SPTLC1: variants seen among roughly 807,000 people sequenced by gnomAD.
SPTLC1 encodes the protein serine palmitoyltransferase 1.
In SPTLC1, 55 loss-of-function variants were observed where a neutral mutation model predicts 68.9. The observed-to-expected ratio is 0.80, with a 90% CI of 0.64 to 1.00. The LOEUF is 1.00. SPTLC1 is among the 50% of genes least tolerant of loss of function. The pLI, the probability that SPTLC1 is intolerant of heterozygous loss-of-function variation, is 0.00. For missense variants in SPTLC1, 449 were observed against 573.1 expected (o/e 0.78, Z 2.21); for synonymous variants, 197 against 201.6 (o/e 0.98, Z 0.19).
chr9:92,096,593 A>G (rs1025156312), intron 3 of SPTLC1, among the ~76,000 whole-genome samples: 6 of 152,204 alleles, frequency 3.9e-5, no homozygotes, highest in Admixed American at 2.6e-4. Flanking sequence ...GAAGGGAAAT[A>G]GTCTTTTCAA....
intron 3 of SPTLC1, among the ~76,000 whole-genome samples, chr9:92,101,560 T>TAA (rs1835751212): frequency 3.6e-5 from 1 of 27,774 alleles, no homozygotes; most frequent in Non-Finnish European, 5.6e-5. Flanking sequence ...AGACTCCGTC[T>TAA]CAAAAAAAAA....
At chr9:92,115,218 A>G (rs1836407619) in intron 1 of SPTLC1, 96 bp downstream of exon 1, 1 of 1,204,822 alleles carries the variant, frequency 8.3e-7, no homozygotes. Flanking sequence ...TGACCGAGCC[A>G]GTCCCGCCGA....
At chr9:92,084,032 GCT>G (rs1210996319) in intron 3 of SPTLC1, among the ~76,000 whole-genome samples, 5 of 151,824 alleles carry the variant, frequency 3.3e-5, no homozygotes, top group South Asian at 4.2e-4. Context: ...TCATGATTTG[GCT>G]CTCTGTTTGT....
intron 8 of SPTLC1, among the ~76,000 whole-genome samples, chr9:92,053,099 A>C (rs1833763835): frequency 6.6e-6 from 1 of 151,358 alleles, no homozygotes. Flanking sequence ...ATGTCTCCAA[A>C]GGTATACGCA....
chr9:92,045,969 TTA>T, intron 12 of SPTLC1, 28 bp downstream of exon 12: 1 of 1,599,220 alleles, frequency 6.3e-7, no homozygotes, highest in Non-Finnish European at 8.6e-7. Flanking sequence ...CAGATAAACT[TTA>T]TGTTGGTTGA....
intron 1 of SPTLC1, among the ~76,000 whole-genome samples, chr9:92,114,454 G>A (rs955298079): frequency 6.6e-5 from 10 of 151,672 alleles, no homozygotes; most frequent in East Asian, 2.0e-4. Flanking sequence ...AAAAGTCTAC[G>A]GCCAGGTGCA....
At chr9:92,061,871 T>C (rs559526865) in intron 6 of SPTLC1, among the ~76,000 whole-genome samples, 1 of 152,116 alleles carries the variant, frequency 6.6e-6, no homozygotes, top group East Asian at 1.9e-4. Flanking sequence ...TCTAAAAACA[T>C]GTTCAATTAG....
Position 92,108,748 on chromosome 9 carries a change from G to A in SPTLC1, c.252C>T (p.Ile84=), listed in dbSNP as rs150461552. ...PKDHPALNYN[I]VSGPPSHKTV... ...TAGCAAAATCAATTTACCCTGAAACGATGTTGTAGTTGAGAGCAGGATGGT... is the reference window on the plus strand; with the variant it reads ...TAGCAAAATCAATTTACCCTGAAACAATGTTGTAGTTGAGAGCAGGATGGT... The change falls in exon 3 of 15, where the codon ATC becomes ATT. Residue 84 remains isoleucine (I), a synonymous_variant. Transcript: ENST00000262554. 3.0e-5 allele frequency: 48 copies of A among 1,605,750 alleles called. No individual in the cohort carries two copies. The highest frequency in any genetic ancestry group is 2.3e-4 in the Middle Eastern group (1 of 4,416).
At chr9:92,089,741 G>A (rs1464361176) in intron 3 of SPTLC1, among the ~76,000 whole-genome samples, 1 of 152,186 alleles carries the variant, frequency 6.6e-6, no homozygotes, top group Non-Finnish European at 1.5e-5. Flanking sequence ...GAAATCCACA[G>A]ACTGAAGTAC....
At chr9:92,109,832 C>A (rs1836158602) in intron 2 of SPTLC1, 1 of 152,244 alleles carries the variant, frequency 6.6e-6, no homozygotes, top group African/African-American at 2.4e-5. Context: ...ATTTGCTGGG[C>A]GTGGTGGCAC....
chr9:92,036,283 C>T (rs1833136677), intron 13 of SPTLC1, among the ~76,000 whole-genome samples: 1 of 152,220 alleles, frequency 6.6e-6, no homozygotes, highest in Non-Finnish European at 1.5e-5. Context: ...GATCTGTGAG[C>T]TGTCCACAGA....
intron 2 of SPTLC1, 49 bp downstream of exon 2, chr9:92,112,406 C>A: frequency 7.7e-7 from 1 of 1,293,144 alleles, no homozygotes; most frequent in Non-Finnish European, 1.1e-6. Flanking sequence ...AAAGACATAG[C>A]AACTATAATC....
At chr9:92,102,971 G>A (rs928482769) in intron 3 of SPTLC1, among the ~76,000 whole-genome samples, 22 of 152,308 alleles carry the variant, frequency 1.4e-4, no homozygotes, top group South Asian at 4.1e-4. Flanking sequence ...CATGTGTGGT[G>A]AATAGTTGAC....
chr9:92,062,157 T>C (rs1001558798), intron 6 of SPTLC1, among the ~76,000 whole-genome samples: 1 of 152,004 alleles, frequency 6.6e-6, no homozygotes, highest in Non-Finnish European at 1.5e-5. Context: ...AACTATGTAA[T>C]ATAAAAAATA....
At chr9:92,043,304 A>G (rs7034509) in intron 12 of SPTLC1, among the ~76,000 whole-genome samples, 35,549 of 152,058 alleles carry the variant, frequency 0.23, 7,386 homozygotes, top group African/African-American at 0.56. Context: ...ACTCTTTCTC[A>G]GACTAGTCTT....
chr9:92,103,543 G>T (rs559031971), intron 3 of SPTLC1, among the ~76,000 whole-genome samples: 11 of 152,366 alleles, frequency 7.2e-5, no homozygotes, highest in Non-Finnish European at 1.3e-4. Context: ...AATGACCTGA[G>T]GAATGGTCTC....
At chr9:92,035,675 TA>T (rs894464965) in intron 13 of SPTLC1, among the ~76,000 whole-genome samples, 59 of 151,308 alleles carry the variant, frequency 3.9e-4, no homozygotes, top group Admixed American at 6.6e-4. Context: ...TGAGTTATAT[TA>T]AAAAAAAATA....
intron 5 of SPTLC1, among the ~76,000 whole-genome samples, chr9:92,074,333 C>T (rs981920187): frequency 1.3e-5 from 2 of 152,204 alleles, no homozygotes; most frequent in East Asian, 3.9e-4. Flanking sequence ...CTCCTTTATG[C>T]GCTCCTTCCT....
At chr9:92,058,035 C>T (rs1217851920) in intron 7 of SPTLC1, among the ~76,000 whole-genome samples, 2 of 152,174 alleles carry the variant, frequency 1.3e-5, no homozygotes, top group Non-Finnish European at 2.9e-5. Context: ...GTACTGAAAA[C>T]AGACTAGCTT....
Sources: gnomAD v4.1 joint callset for allele counts (sites outside exome capture counted in the v4.1 genomes callset) on GRCh38, gnomAD v4.1.1 for gene constraint, MANE v1.5 for transcripts, NCBI Gene and HGNC (gene_info 2026-07-23, HGNC 2026-07-21) for gene names.